ARAP1: variants seen among roughly 807,000 people sequenced by gnomAD.
ARAP1 encodes the protein arf-GAP with Rho-GAP domain, ANK repeat and PH domain-containing protein 1.
In ARAP1, 76 loss-of-function variants were observed where a neutral mutation model predicts 172.2. The ratio of observed to expected loss-of-function variants is 0.44; its 90% CI spans 0.37 to 0.53. The LOEUF (loss-of-function observed/expected upper bound fraction) is 0.53, where lower values mean the gene tolerates loss of function less well. Ranked by LOEUF, ARAP1 falls within the 20% of genes least tolerant of loss-of-function variation. ARAP1 has a pLI of 0.00. For missense variants in ARAP1, 1,686 were observed against 1,977.5 expected (o/e 0.85, Z 2.80); for synonymous variants, 804 against 803.3 (o/e 1.00, Z -0.01).
intron 1 of ARAP1, among the ~76,000 whole-genome samples, chr11:72,735,905 G>C (rs1858007731): frequency 6.6e-6 from 1 of 152,168 alleles, no homozygotes; most frequent in Non-Finnish European, 1.5e-5. Context: ...TGGCCCTCCA[G>C]GAACCTCAGG....
chr11:72,726,981 C>A lies in ARAP1; in HGVS notation c.148G>T (p.Gly50Cys). The change falls in exon 3 of 35, where the codon GGC becomes TGC. Residue 50 changes from glycine to cysteine, a missense_variant. Physicochemically the swap from Gly to Cys is radical, Grantham distance 159 (BLOSUM62 -3). Around this residue, in one of 5 missense-constraint regions of ARAP1, gnomAD observed 190 missense variants for 228.6 expected, o/e 0.83. Coordinates refer to ENST00000393609, the MANE Select transcript of ARAP1 (RefSeq NM_001040118.3). The surrounding 1 kb of genome is among the most constrained non-coding windows in gnomAD (Gnocchi z 6.5). ...GLSDTRLMDM[G>C]MLLPGHRRRI... ...CGGCGGTGACCAGGGAGTAGCATGCCCATGTCCATCAGGCGGGTGTCGCTG... is the reference window on the plus strand; with the variant it reads ...CGGCGGTGACCAGGGAGTAGCATGCACATGTCCATCAGGCGGGTGTCGCTG... 1 of 1,604,632 alleles carries A rather than the reference C, an allele frequency of 6.2e-7. No individual in the cohort carries two copies. Among genetic ancestry groups the A allele is most frequent in the Admixed American group, 1.7e-5 (1 of 58,976 alleles).
In ARAP1 at chr11:72,710,430, G is replaced by A. The variant is rs765497754; in HGVS notation, c.1371C>T (p.Tyr457=). 5.6e-5 allele frequency: 90 copies of A among 1,614,048 alleles called. No individual in the cohort carries two copies. Among genetic ancestry groups the A allele is most frequent in the Middle Eastern group, 1.6e-4 (1 of 6,062 alleles). ...LELRGFKNKL[Y]VAVVGDKVQL... is the part of the protein sequence containing the mutation. ...GCACTTTGTCCCCGACCACGGCCAC[G>A]TACAGCTTATTCTTGAAGCCACGAA... The change falls in exon 10 of 35, where the codon TAC becomes TAT. Residue 457 remains tyrosine, a synonymous_variant. Transcript: ENST00000393609. The surrounding 1 kb of genome is among the most constrained non-coding windows in gnomAD (Gnocchi z 4.3).
Position 72,699,700 on chromosome 11 carries a change from C to T in ARAP1, c.2303-148G>A. 1.8e-6 allele frequency: 2 copies of T among 1,118,078 alleles called. No individual in the cohort carries two copies. Among genetic ancestry groups the T allele is most frequent in the Non-Finnish European group, 2.5e-6 (2 of 797,182 alleles). 69.3% of individuals were successfully genotyped at this position (1,118,078 alleles called of 1,614,324 possible). A position where few individuals can be genotyped will look rare whatever the true frequency, so the allele number is the denominator to read the frequency against. ...CCTAAATCCATCCACCTCTCTGCAT[C>T]CCCACCACGCTAGCCAGCCCACAAG... On this transcript the variant is annotated intron_variant, in intron 16 of 34. Coordinates refer to ENST00000393609, the MANE Select transcript of ARAP1 (RefSeq NM_001040118.3). The surrounding 1 kb of genome is among the most constrained non-coding windows in gnomAD (Gnocchi z 4.2).
At chr11:72,751,180 G>A (rs550252005) in intron 1 of ARAP1, among the ~76,000 whole-genome samples, 2 of 152,178 alleles carry the variant, frequency 1.3e-5, no homozygotes, top group East Asian at 1.9e-4. Context: ...AGCCAATGGG[G>A]AGGCAAGGTC....
intron 1 of ARAP1, among the ~76,000 whole-genome samples, chr11:72,738,564 C>A (rs1240394411): frequency 6.6e-6 from 1 of 152,048 alleles, no homozygotes; most frequent in Non-Finnish European, 1.5e-5. Flanking sequence ...CTCAGCTTGT[C>A]CACCACCACC....
intron 1 of ARAP1, among the ~76,000 whole-genome samples, chr11:72,745,866 G>A (rs1003348980): frequency 1.3e-5 from 2 of 152,138 alleles, no homozygotes; most frequent in South Asian, 2.1e-4. Flanking sequence ...CTCCTGACCC[G>A]CAGCCTCTTG....
intron 11 of ARAP1, among the ~76,000 whole-genome samples, chr11:72,709,174 G>C (rs1178209711): frequency 6.6e-6 from 1 of 152,172 alleles, no homozygotes; most frequent in Non-Finnish European, 1.5e-5. Context: ...CCAGAGCTCA[G>C]CAGAAAGATC....
At chr11:72,694,906 G>A (rs1021089275) in intron 27 of ARAP1, 74 bp downstream of exon 27, 62 of 1,319,738 alleles carry the variant, frequency 4.7e-5, no homozygotes, top group Non-Finnish European at 6.2e-5. Flanking sequence ...TGCAGGGTAG[G>A]GGAGGACAGA....
chr11:72,703,974 T>C (rs1856638838), intron 14 of ARAP1, 178 bp downstream of exon 14: 2 of 786,260 alleles, frequency 2.5e-6, no homozygotes, highest in Non-Finnish European at 3.9e-6. Flanking sequence ...CCTCCCTGCA[T>C]GGCCAGAACT....
At chr11:72,698,196 C>CT in intron 18 of ARAP1, 90 bp from the exon 19 acceptor site, 1 of 1,401,474 alleles carries the variant, frequency 7.1e-7, no homozygotes, top group Admixed American at 2.7e-5. Flanking sequence ...CACATGCCCT[C>CT]TTCCCACCCA....
rs1297169368 is a variant in ARAP1 at position 72,697,434 on chromosome 11, C to T, written c.2842G>A (p.Ala948Thr). 1.9e-6 allele frequency: 3 copies of T among 1,612,038 alleles called. No homozygotes were observed. Among genetic ancestry groups the T allele is most frequent in the Admixed American group, 1.7e-5 (1 of 59,902 alleles). Residue 948 changes from alanine (A) to threonine (T), a missense_variant, in exon 21 of 35, where the codon GCC becomes ACC. By Grantham distance (58) the Ala-to-Thr change is moderately conservative (BLOSUM62 0). Transcript: ENST00000393609. The part of the protein sequence containing the change: ...RRLDFMGWLG[A>T]IQKAAASMGD... Reference sequence around the variant, plus strand: ...ATGCTGGCGGCTGCTTTCTGGATGGCCCCCAGCCAACCCATGAAGTCCAGC... The same window carrying T: ...ATGCTGGCGGCTGCTTTCTGGATGGTCCCCAGCCAACCCATGAAGTCCAGC...
intron 15 of ARAP1, among the ~76,000 whole-genome samples, chr11:72,702,567 ACT>A (rs912790587): frequency 6.6e-6 from 1 of 152,090 alleles, no homozygotes; most frequent in Admixed American, 6.5e-5. Flanking sequence ...ACACAGACAC[ACT>A]CTGCACACGC....
intron 18 of ARAP1, among the ~76,000 whole-genome samples, chr11:72,698,672 C>T (rs987096390): frequency 1.3e-5 from 2 of 152,178 alleles, no homozygotes; most frequent in Non-Finnish European, 1.5e-5. Context: ...TCTGCTTGCT[C>T]GCCTCCAGGA....
At chr11:72,707,025 C>T (rs1016720175) in intron 12 of ARAP1, 150 bp downstream of exon 12, 2 of 821,672 alleles carry the variant, frequency 2.4e-6, no homozygotes, top group African/African-American at 1.8e-5. Context: ...GGACTCAAAG[C>T]TAATCACAGG....
chr11:72,750,767 A>AG (rs148527516), intron 1 of ARAP1, among the ~76,000 whole-genome samples: 19,617 of 152,142 alleles, frequency 0.13, 1,501 homozygotes, highest in South Asian at 0.2. Flanking sequence ...CCCAGGTCCC[A>AG]TGATCCCCAT....
chr11:72,723,335 T>C (rs1857586349), intron 3 of ARAP1, among the ~76,000 whole-genome samples: 1 of 151,830 alleles, frequency 6.6e-6, no homozygotes, highest in Non-Finnish European at 1.5e-5. Flanking sequence ...ATAATAATAA[T>C]AATAATAGCA....
intron 1 of ARAP1, among the ~76,000 whole-genome samples, chr11:72,732,853 T>G (rs1857905033): frequency 6.6e-6 from 1 of 152,016 alleles, no homozygotes; most frequent in African/African-American, 2.4e-5. Context: ...TGTGGTAGTG[T>G]GTGCCTGTAG....
Position 72,697,968 on chromosome 11 carries a change from C to A in ARAP1, c.2680G>T (p.Val894Phe). 6.2e-7 allele frequency: 1 copy of A among 1,611,884 alleles called. No individual in the cohort carries two copies. Among genetic ancestry groups the A allele is most frequent in the Non-Finnish European group, 8.5e-7 (1 of 1,179,286 alleles). Residue 894 changes from valine (V) to phenylalanine (F), a missense_variant, in exon 19 of 35, where the codon GTC (valine) becomes TTC (phenylalanine). Transcript: ENST00000393609. ...TCTTCGCAGGGCCCCTCCGGGAAGA[C>A]AGCACGGAGCTCCGAGCCACTGAGA... The part of the protein sequence containing the change: ...FSLSGSELRA[V>F]FPEGPCEEPL...
chr11:72,722,297 C>G, intron 3 of ARAP1: 1 of 985,732 alleles, frequency 1.0e-6, no homozygotes, highest in Non-Finnish European at 1.2e-6. Context: ...TTGTGTCTCC[C>G]CCACCTCCTG....
Sources: gnomAD v4.1 joint callset for allele counts (sites outside exome capture counted in the v4.1 genomes callset) on GRCh38, gnomAD v4.1.1 for gene constraint, gnomAD v4.1.1 regional missense constraint, Gnocchi (gnomAD v3.1) non-coding constraint, MANE v1.5 for transcripts, NCBI Gene and HGNC (gene_info 2026-07-23, HGNC 2026-07-21) for gene names.